Variants in NRTN observed in about 807,000 individuals in gnomAD.
The protein encoded by NRTN is neurturin, also known as prepro-neurturin.
A neutral mutation model predicts 7.5 loss-of-function variants in NRTN; 3 were observed. The ratio of observed to expected loss-of-function variants is 0.40; its 90% CI spans 0.18 to 1.03. The LOEUF (loss-of-function observed/expected upper bound fraction) is 1.03. Ranked by LOEUF, NRTN falls within the 50% of genes least tolerant of loss-of-function variation. The pLI, the probability that NRTN is intolerant of heterozygous loss-of-function variation, is 0.34. For synonymous variants in NRTN, 157 were observed against 146.6 expected (o/e 1.07, Z -0.51); for missense variants, 310 against 307.0 (o/e 1.01, Z -0.07).
intron 1 of NRTN, among the ~76,000 whole-genome samples, chr19:5,811,482 A>C (rs2056990336): frequency 6.6e-6 from 1 of 152,204 alleles, no homozygotes. Flanking sequence ...CTACATGTAA[A>C]GTGCTTAGAA....
In NRTN at chr19:5,827,873, G is replaced by A. The variant is rs2057053682; in HGVS notation, c.294G>A (p.Leu98=). ...GGCGGCGGCGCGCGCGTGCGCGGTTGGGGGCGCGGCCTTGCGGGCTGCGCG... is the reference window on the plus strand; with the variant it reads ...GGCGGCGGCGCGCGCGTGCGCGGTTAGGGGCGCGGCCTTGCGGGCTGCGCG... ...GPRRRRARAR[L]GARPCGLREL... The change falls in exon 3 of 3, where the codon TTG becomes TTA. Residue 98 remains leucine, a synonymous_variant. Coordinates refer to ENST00000303212, the MANE Select transcript of NRTN (RefSeq NM_004558.5). 2 of 1,274,058 alleles carry A rather than the reference G, an allele frequency of 1.6e-6. No individual in the cohort carries two copies. The highest frequency in any genetic ancestry group is 6.9e-5 in the East Asian group (2 of 28,982). The allele number at this position is 1,274,058 out of a possible 1,614,324, so 78.9% of individuals were successfully genotyped here.
chr19:5,824,514 G>A (rs754364437), intron 2 of NRTN, among the ~76,000 whole-genome samples, 180 bp downstream of exon 2: 1 of 152,174 alleles, frequency 6.6e-6, no homozygotes, highest in African/African-American at 2.4e-5. Context: ...GCATGGTGGC[G>A]CCTGCCTATA....
At chr19:5,814,823 T>G (rs1202182200) in intron 1 of NRTN, among the ~76,000 whole-genome samples, 6 of 141,986 alleles carry the variant, frequency 4.2e-5, no homozygotes, top group Admixed American at 4.1e-4. Flanking sequence ...CTGTCCTAGG[T>G]CCTTCTTGCT....
chr19:5,805,820 C>A (rs1481567872), intron 1 of NRTN, among the ~76,000 whole-genome samples: 1 of 152,038 alleles, frequency 6.6e-6, no homozygotes, highest in African/African-American at 2.4e-5. Context: ...AGCCCTTTAG[C>A]CATGTGGTCT....
chr19:5,810,109 C>CAA (rs200014629), intron 1 of NRTN, among the ~76,000 whole-genome samples: 1 of 150,124 alleles, frequency 6.7e-6, no homozygotes, highest in Non-Finnish European at 1.5e-5. Flanking sequence ...ACTAAAAATA[C>CAA]AAAAAAAATT....
intron 1 of NRTN, among the ~76,000 whole-genome samples, chr19:5,810,534 A>C (rs1254963996): frequency 2.0e-5 from 3 of 152,086 alleles, no homozygotes; most frequent in Non-Finnish European, 4.4e-5. Flanking sequence ...TGGGAGAATT[A>C]AATGTAGAGG....
In NRTN at chr19:5,805,443, C is replaced by T. The variant is rs1023260740; in HGVS notation, c.-407C>T. ...CCGCCACTGACGGGTAGTCCGGCGCCCACAGCAGGTAAGCAAGGGGCAGGC... is the reference window on the plus strand; with the variant it reads ...CCGCCACTGACGGGTAGTCCGGCGCTCACAGCAGGTAAGCAAGGGGCAGGC... On this transcript the variant is annotated 5_prime_UTR_variant, in exon 1 of 3. Transcript: ENST00000303212. Among the ~76,000 whole-genome samples, 3 of 151,552 alleles carry T rather than the reference C, an allele frequency of 2.0e-5. No individual in the cohort carries two copies. Among genetic ancestry groups the T allele is most frequent in the Admixed American group, 1.3e-4 (2 of 15,242 alleles).
chr19:5,806,782 A>C lies in NRTN; in HGVS notation c.-399+1331A>C, dbSNP rs2056976368. Among the ~76,000 whole-genome samples, 2 of 152,214 alleles carry C rather than the reference A, an allele frequency of 1.3e-5. No individual in the cohort carries two copies. Among genetic ancestry groups the C allele is most frequent in the Non-Finnish European group, 2.9e-5 (2 of 68,042 alleles). On this transcript the variant is annotated intron_variant, in intron 1 of 2. Transcript: ENST00000303212. This position sits in a 1 kb window ranked among gnomAD's most constrained non-coding sequence, Gnocchi z 5.4. ...CTGCATCTGAAACTCCACCATCAGC[A>C]CTGGCCCCTCGGCGTTTCAGGTCCC...
In NRTN at chr19:5,828,269, G is replaced by C. The variant is rs2057057399; in HGVS notation, c.*96G>C. ...AGACTGCGCGTGCGTAGAGCACGCC[G>C]GCGCGGCCCCGGGACTCTCGCGATA... On this transcript the variant is annotated 3_prime_UTR_variant, in exon 3 of 3. Transcript: ENST00000303212. The C allele has an allele frequency of 7.4e-7, 1 of 1,357,684 alleles. No individual in the cohort carries two copies. The highest frequency in any genetic ancestry group is 9.9e-7 in the Non-Finnish European group (1 of 1,012,928). The allele number at this position is 1,357,684 out of a possible 1,614,324, so 84.1% of individuals were successfully genotyped here. A position where few individuals can be genotyped will look rare whatever the true frequency, so the allele number is the denominator to read the frequency against.
At chr19:5,811,786 A>G (rs900337916) in intron 1 of NRTN, among the ~76,000 whole-genome samples, 2 of 151,716 alleles carry the variant, frequency 1.3e-5, no homozygotes, top group African/African-American at 4.8e-5. Context: ...CCTGGCCTAA[A>G]GTGATCCACC....
rs1197267555 is a variant in NRTN at position 5,828,311 on chromosome 19, G to A, written c.*138G>A. ...CTCGCGATAACTGTACTGAGATAAA[G>A]TGTGGCAACTCGAGCTGGCTGGTGA... On this transcript the variant is annotated 3_prime_UTR_variant, in exon 3 of 3. Coordinates refer to ENST00000303212, the MANE Select transcript of NRTN (RefSeq NM_004558.5). 10 of 965,072 alleles carry A rather than the reference G, an allele frequency of 1.0e-5. No individual in the cohort carries two copies. The highest frequency in any genetic ancestry group is 1.4e-5 in the Non-Finnish European group (10 of 691,854). The allele number at this position is 965,072 out of a possible 1,614,324, so 59.8% of individuals were successfully genotyped here. A position where few individuals can be genotyped will look rare whatever the true frequency, so the allele number is the denominator to read the frequency against.
At position 5,823,905 on chromosome 19, in the gene NRTN, TG is replaced by T. The variant is rs1161392871; in HGVS notation, c.-259del. On this transcript the variant is annotated 5_prime_UTR_variant, in exon 2 of 3. It introduces an in-frame stop codon into an upstream open reading frame of the 5' UTR. Transcript: ENST00000303212. ...GCCAACTCCTACGTTTATTCAAGTC[TG>T]GACCTTGTCATCGGCTCCTCAGGAA... 6.8e-6 allele frequency: 4 copies of T among 588,558 alleles called. No individual in the cohort carries two copies. In the Admixed American group the frequency reaches 8.8e-5, roughly 13 times the overall value. 36.5% of individuals were successfully genotyped at this position (588,558 alleles called of 1,614,324 possible). A position where few individuals can be genotyped will look rare whatever the true frequency, so the allele number is the denominator to read the frequency against.
chr19:5,809,642 G>A (rs1175779390), intron 1 of NRTN, among the ~76,000 whole-genome samples: 1 of 152,204 alleles, frequency 6.6e-6, no homozygotes, highest in Non-Finnish European at 1.5e-5. Flanking sequence ...CTGGCACACA[G>A]TAGGCGCTCA....
At chr19:5,815,000 G>T (rs1391281819) in intron 1 of NRTN, among the ~76,000 whole-genome samples, 1 of 152,256 alleles carries the variant, frequency 6.6e-6, no homozygotes, top group African/African-American at 2.4e-5. Flanking sequence ...TCCCTGCAGG[G>T]GTGGACACGG....
At chr19:5,823,734 TCTC>T (rs548169227) in intron 1 of NRTN, 31 bp from the exon 2 acceptor site, 349 of 315,250 alleles carry the variant, frequency 1.1e-3, no homozygotes, top group African/African-American at 6.8e-3. Flanking sequence ...GGGAATGACC[TCTC>T]CTCCTTTCAC....
rs1258037350 is a variant in NRTN at position 5,824,119 on chromosome 19, G to T, written c.-47G>T. 1.3e-6 allele frequency: 2 copies of T among 1,599,096 alleles called. No individual in the cohort carries two copies. Among genetic ancestry groups the T allele is most frequent in the African/African-American group, 2.7e-5 (2 of 74,844 alleles). On this transcript the variant is annotated 5_prime_UTR_variant, in exon 2 of 3. Transcript: ENST00000303212. Reference sequence around the variant, plus strand: ...GCCCTGTGCCCGTTGGCTGCTGGAGGGACAGACGGGGCGTGCGGCTGACCA... The same window carrying T: ...GCCCTGTGCCCGTTGGCTGCTGGAGTGACAGACGGGGCGTGCGGCTGACCA...
chr19:5,819,106 C>T (rs138881779), intron 1 of NRTN, among the ~76,000 whole-genome samples: 12 of 152,290 alleles, frequency 7.9e-5, no homozygotes, highest in Non-Finnish European at 1.8e-4. Flanking sequence ...CAGAGAGGTC[C>T]GGGGCCCGGG....
chr19:5,820,960 T>C (rs1347367619), intron 1 of NRTN, among the ~76,000 whole-genome samples: 2 of 152,062 alleles, frequency 1.3e-5, no homozygotes, highest in Admixed American at 6.6e-5. Context: ...TCCTCACTGT[T>C]CCTCCAACAC....
At position 5,816,406 on chromosome 19, in the gene NRTN, T is replaced by G. The variant is rs1599636104; in HGVS notation, c.-398-7362T>G. On this transcript the variant is annotated intron_variant, in intron 1 of 2. Transcript: ENST00000303212. ...TTCTTTTTTCATTTTTGAGACGGAG[T>G]CTTGCTCTGTCGTCCAGGCTGGAAT... Among the ~76,000 whole-genome samples, 3 of 152,204 alleles carry G rather than the reference T, an allele frequency of 2.0e-5. 1 individual carries two copies. Among genetic ancestry groups the G allele is most frequent in the African/African-American group, 7.2e-5 (3 of 41,512 alleles).
Sources: gnomAD v4.1 joint callset for allele counts (sites outside exome capture counted in the v4.1 genomes callset) on GRCh38, gnomAD v4.1.1 for gene constraint, Gnocchi (gnomAD v3.1) non-coding constraint, MANE v1.5 for transcripts, NCBI Gene and HGNC (gene_info 2026-07-23, HGNC 2026-07-21) for gene names.